Variants in AP3S2 observed in about 807,000 individuals in gnomAD.
The protein encoded by AP3S2 is AP-3 complex subunit sigma-2.
Under a neutral mutation model 23.4 loss-of-function variants are expected in AP3S2, and 22 were observed. The observed-to-expected ratio is 0.94, with a 90% confidence interval of 0.67 to 1.34. The LOEUF (loss-of-function observed/expected upper bound fraction) is 1.34, where lower values mean the gene tolerates loss of function less well. AP3S2 is among the 40% of genes most tolerant of loss of function. AP3S2 has a pLI of 0.00. For missense variants in AP3S2, 241 were observed against 236.9 expected (o/e 1.02, Z -0.11); for synonymous variants, 86 against 87.1 (o/e 0.99, Z 0.07).
intron 4 of AP3S2, among the ~76,000 whole-genome samples, chr15:89,843,605 A>G (rs914614183): frequency 1.3e-5 from 2 of 152,176 alleles, no homozygotes; most frequent in Non-Finnish European, 2.9e-5. Context: ...ATTGTACTCC[A>G]GCCTGGGTGA....
At chr15:89,838,636 G>C (rs766071534) in intron 4 of AP3S2, among the ~76,000 whole-genome samples, 2 of 152,154 alleles carry the variant, frequency 1.3e-5, no homozygotes, top group Admixed American at 6.5e-5. Flanking sequence ...AGGTGCTTTC[G>C]GTCAAGTTGG....
intron 4 of AP3S2, among the ~76,000 whole-genome samples, chr15:89,840,090 C>T (rs1895291736): frequency 6.6e-6 from 1 of 152,106 alleles, no homozygotes; most frequent in Non-Finnish European, 1.5e-5. Context: ...TTAATGTGTA[C>T]AGAGGTGCTG....
At chr15:89,846,913 C>T (rs189214810) in intron 4 of AP3S2, among the ~76,000 whole-genome samples, 2 of 152,128 alleles carry the variant, frequency 1.3e-5, no homozygotes, top group Non-Finnish European at 2.9e-5. Flanking sequence ...TCAGGTGATC[C>T]GCCCACCTCA....
Position 89,871,529 on chromosome 15 carries a change from CAG to C in AP3S2, c.289_290del (p.Leu97GlyfsTer2). On this transcript the variant is annotated frameshift_variant, in exon 4 of 6. Transcript: ENST00000336418. LOFTEE classifies it high-confidence loss of function. ...LDLIQVFVET[L>X]DKCFENVCEL... Reference sequence around the variant, plus strand: ...CACACACATTTTCGAAACACTTATCCAGAGTTTCCACAAAAACCTAGAAAACA... The same window carrying C: ...CACACACATTTTCGAAACACTTATCCAGTTTCCACAAAAACCTAGAAAACA... The C allele has an allele frequency of 6.2e-7, 1 of 1,613,520 alleles. No homozygotes were observed. Among genetic ancestry groups the C allele is most frequent in the East Asian group, 2.2e-5 (1 of 44,816 alleles).
At chr15:89,861,792 T>C (rs1040407855) in intron 4 of AP3S2, among the ~76,000 whole-genome samples, 5 of 151,636 alleles carry the variant, frequency 3.3e-5, no homozygotes, top group African/African-American at 1.2e-4. Context: ...AGGGAAAACA[T>C]AGAAAGGTAC....
intron 4 of AP3S2, among the ~76,000 whole-genome samples, chr15:89,853,451 A>C (rs935821982): frequency 2.6e-5 from 4 of 152,228 alleles, no homozygotes; most frequent in Non-Finnish European, 5.9e-5. Flanking sequence ...CATTGATTAT[A>C]AGAAAAATCT....
intron 4 of AP3S2, among the ~76,000 whole-genome samples, chr15:89,842,753 T>C (rs900584684): frequency 6.6e-5 from 10 of 151,710 alleles, no homozygotes; most frequent in South Asian, 2.1e-4. Context: ...GCTGGGACTA[T>C]AGGCATGCGC....
intron 3 of AP3S2, chr15:89,886,527 T>C (rs1409658704): frequency 1.3e-5 from 2 of 152,198 alleles, no homozygotes; most frequent in African/African-American, 4.8e-5. Context: ...CATCCTTGCA[T>C]AGTGGCAATG....
At chr15:89,878,966 C>G (rs1596216507) in intron 3 of AP3S2, among the ~76,000 whole-genome samples, 1 of 152,294 alleles carries the variant, frequency 6.6e-6, no homozygotes, top group South Asian at 2.1e-4. Context: ...CAGGCTGCTC[C>G]AACTCCTGAC....
In AP3S2 at chr15:89,834,672, G is replaced by C. The variant is rs548269455; in HGVS notation, c.*843C>G. On this transcript the variant is annotated 3_prime_UTR_variant, in exon 6 of 6. Coordinates refer to ENST00000336418, the MANE Select transcript of AP3S2 (RefSeq NM_005829.5). ...CCAGCACTTTGGGAGGCCAAGGCGG[G>C]TAGATCACTTGAGGTCCAGGAGTTC... The C allele has an allele frequency of 6.6e-6, 1 of 152,292 alleles. No homozygotes were observed. The highest frequency in any genetic ancestry group is 1.5e-5 in the Non-Finnish European group (1 of 68,134). 9.4% of individuals were successfully genotyped at this position (152,292 alleles called of 1,614,324 possible).
chr15:89,889,688 A>C (rs12915894), intron 1 of AP3S2, among the ~76,000 whole-genome samples: 22 of 151,992 alleles, frequency 1.4e-4, no homozygotes, highest in East Asian at 3.9e-4. Flanking sequence ...ACAAAAAAAA[A>C]CAAAACAAAA....
chr15:89,866,261 CA>C (rs368571089), intron 4 of AP3S2, among the ~76,000 whole-genome samples: 922 of 87,678 alleles, frequency 0.011, 2 homozygotes, highest in South Asian at 0.015. Context: ...GACTCCGTCT[CA>C]AAAAAAAAAA....
intron 1 of AP3S2, among the ~76,000 whole-genome samples, chr15:89,890,945 C>T (rs1237723746): frequency 6.6e-6 from 1 of 152,174 alleles, no homozygotes; most frequent in Non-Finnish European, 1.5e-5. Flanking sequence ...CACTATTTTC[C>T]TCATTTCCAT....
chr15:89,850,627 G>C (rs1317298348), intron 4 of AP3S2: 2 of 153,768 alleles, frequency 1.3e-5, no homozygotes, highest in Non-Finnish European at 1.5e-5. Context: ...CAAATGGATA[G>C]AGTTGAACAA....
chr15:89,833,483 T>C lies in AP3S2; in HGVS notation c.*2032A>G, dbSNP rs770498759. ...ACTGGAGCTGGGTCTACTTTCGTCA[T>C]CTGCAAAATGGGGATAAGAATGCCT... On this transcript the variant is annotated 3_prime_UTR_variant, in exon 6 of 6. Transcript: ENST00000336418. The C allele has an allele frequency of 2.4e-4, 37 of 152,206 alleles. 1 individual carries two copies. The highest frequency in any genetic ancestry group is 2.0e-4 in the Admixed American group (3 of 15,278). The allele number at this position is 152,206 out of a possible 1,614,324, so 9.4% of individuals were successfully genotyped here.
At chr15:89,888,107 A>C (rs1312553535) in intron 3 of AP3S2, among the ~76,000 whole-genome samples, 1 of 152,242 alleles carries the variant, frequency 6.6e-6, no homozygotes, top group Non-Finnish European at 1.5e-5. Flanking sequence ...CATCTATTTG[A>C]GTGCTTTCTA....
rs560328994 is a variant in AP3S2 at position 89,859,776 on chromosome 15, T to C, written c.345+11699A>G. Among the ~76,000 whole-genome samples, 808 of 148,944 alleles carry C rather than the reference T, an allele frequency of 5.4e-3. 6 individuals carry two copies. The Middle Eastern group carries it at 0.062, about 12-fold the overall frequency. ...TTATTGCTGATCTTTTTTTTTTTTT[T>C]TTTCTGAGATGGAGTCTCGCTCTGT... On this transcript the variant is annotated intron_variant, in intron 4 of 5. Transcript: ENST00000336418.
chr15:89,893,663 CAAGAA>C (rs900598357), intron 1 of AP3S2: 13 of 537,978 alleles, frequency 2.4e-5, no homozygotes, highest in African/African-American at 5.8e-5. Flanking sequence ...ATGCCAGGAT[CAAGAA>C]AAGGGTCAGC....
intron 1 of AP3S2, among the ~76,000 whole-genome samples, chr15:89,891,839 A>C (rs929563546): frequency 6.6e-5 from 10 of 152,234 alleles, no homozygotes; most frequent in African/African-American, 2.4e-4. Flanking sequence ...GCAGTTTCTC[A>C]AAATGTTCAC....
Sources: gnomAD v4.1 joint callset for allele counts (sites outside exome capture counted in the v4.1 genomes callset) on GRCh38, gnomAD v4.1.1 for gene constraint, MANE v1.5 for transcripts, NCBI Gene and HGNC (gene_info 2026-07-23, HGNC 2026-07-21) for gene names.